The following DPP6 variants were observed in gnomAD, a reference collection of about 807,000 sequenced individuals.
DPP6 encodes A-type potassium channel modulatory protein DPP6.
A neutral mutation model predicts 122.6 loss-of-function variants in DPP6; 69 were observed. That is an observed-to-expected ratio of 0.56 (90% CI 0.46 to 0.69). DPP6 has a LOEUF of 0.69. Among genes scored for constraint, DPP6 ranks in the 30% least tolerant of loss-of-function variants. The pLI is 0.00. For synonymous variants in DPP6, 418 were observed against 433.1 expected (o/e 0.97, Z 0.43); for missense variants, 928 against 1,116.9 (o/e 0.83, Z 2.41).
At chr7:154,886,826 A>G (rs1171868214) in intron 22 of DPP6, among the ~76,000 whole-genome samples, 2 of 152,206 alleles carry the variant, frequency 1.3e-5, no homozygotes, top group Non-Finnish European at 2.9e-5. Flanking sequence ...TGGGCCCAGC[A>G]GCCTCCTGGC....
At chr7:154,036,013 C>CGCAT (rs932334962) in intron 1 of DPP6, among the ~76,000 whole-genome samples, 108 of 1,050 alleles carry the variant, frequency 0.1, no homozygotes, top group Admixed American at 0.34. Context: ...GGATTACGCG[C>CGCAT]GCGCGCTTGT....
chr7:153,920,851 G>T (rs575133645), intron 1 of DPP6, among the ~76,000 whole-genome samples: 2 of 151,938 alleles, frequency 1.3e-5, no homozygotes, highest in African/African-American at 4.8e-5. Context: ...GAGCCACCGC[G>T]CCTGGCCCTT....
chr7:154,027,787 AT>A (rs1799020231), intron 1 of DPP6, among the ~76,000 whole-genome samples: 1 of 151,676 alleles, frequency 6.6e-6, no homozygotes, highest in Admixed American at 6.6e-5. Flanking sequence ...TATCCAAATG[AT>A]AAATTCCTCT....
chr7:154,047,120 G>A (rs1800058731), intron 1 of DPP6, among the ~76,000 whole-genome samples: 1 of 151,552 alleles, frequency 6.6e-6, no homozygotes, highest in Non-Finnish European at 1.5e-5. Flanking sequence ...AATGTCCCCA[G>A]AAGACAGTGT....
At chr7:154,314,513 C>T (rs1386734422) in intron 1 of DPP6, among the ~76,000 whole-genome samples, 1 of 152,198 alleles carries the variant, frequency 6.6e-6, no homozygotes, top group African/African-American at 2.4e-5. Context: ...ACGTAAACCC[C>T]TTTTCCAAAG....
the DPP6 span, among the ~76,000 whole-genome samples, chr7:153,822,526 T>C: frequency 6.6e-6 from 1 of 152,186 alleles, no homozygotes; most frequent in Non-Finnish European, 1.5e-5. Flanking sequence ...AGTTAGAATA[T>C]AGAGCTTCTT....
Position 154,875,870 on chromosome 7 carries a change from G to A in DPP6, c.1884-36G>A, listed in dbSNP as rs545709117. 38 of 1,580,280 alleles carry A rather than the reference G, an allele frequency of 2.4e-5. No homozygotes were observed. Among genetic ancestry groups the A allele is most frequent in the Non-Finnish European group, 3.0e-5 (35 of 1,164,420 alleles). On this transcript the variant is annotated intron_variant, in intron 19 of 25. Transcript: ENST00000377770. This position sits in a 1 kb window ranked among gnomAD's most constrained non-coding sequence, Gnocchi z 4.5. ...TGCTAGACCAGCCGCCACCCACCAC[G>A]CAGCAGGCCTGCTGAGCCCGGGATT...
Position 154,804,135 on chromosome 7 carries a change from C to T in DPP6, c.1499+180C>T, listed in dbSNP as rs549927291. Among the ~76,000 whole-genome samples, 38 of 152,330 alleles carry T rather than the reference C, an allele frequency of 2.5e-4. 1 individual carries two copies. In the South Asian group the frequency reaches 7.0e-3, roughly 28 times the overall value. On this transcript the variant is annotated intron_variant, in intron 14 of 25. Transcript: ENST00000377770. ...ATAGTAGATTCCCGTCCCAACAGTC[C>T]GACTTCCAGAGCTGCGGCGTCCTGA...
At chr7:154,727,995 C>G in intron 8 of DPP6, 108 bp downstream of exon 8, 1 of 1,478,340 alleles carries the variant, frequency 6.8e-7, no homozygotes, top group Non-Finnish European at 9.0e-7. Flanking sequence ...AAATTAAACT[C>G]CAGTTTCTTG....
chr7:153,940,214 G>T (rs1356419899), intron 1 of DPP6, among the ~76,000 whole-genome samples: 1 of 152,162 alleles, frequency 6.6e-6, no homozygotes, highest in Non-Finnish European at 1.5e-5. Context: ...CGAAAAGCTG[G>T]TGCTGACCTA....
intron 12 of DPP6, among the ~76,000 whole-genome samples, chr7:154,800,128 C>A (rs537437663): frequency 3.9e-5 from 6 of 152,318 alleles, no homozygotes; most frequent in African/African-American, 1.4e-4. Context: ...TTTTAAAAGC[C>A]AAATTAACCG....
intron 7 of DPP6, among the ~76,000 whole-genome samples, chr7:154,714,798 G>C (rs1161761684): frequency 6.6e-6 from 1 of 152,174 alleles, no homozygotes; most frequent in Non-Finnish European, 1.5e-5. Context: ...ATGCTAAAAT[G>C]TTCATTTTTA....
chr7:154,379,219 A>G (rs10258306), intron 1 of DPP6, among the ~76,000 whole-genome samples: 109,375 of 152,058 alleles, frequency 0.72, 39,538 homozygotes, highest in East Asian at 0.87. Context: ...AGAGCTGCCT[A>G]GAGTTCTATT....
the DPP6 span, among the ~76,000 whole-genome samples, chr7:153,813,143 A>T: frequency 1.3e-5 from 2 of 151,830 alleles, no homozygotes; most frequent in African/African-American, 4.8e-5. Context: ...AGCATTAGGT[A>T]TATCTCCTAA....
At chr7:153,933,740 A>G (rs1442694382) in intron 1 of DPP6, among the ~76,000 whole-genome samples, 2 of 151,900 alleles carry the variant, frequency 1.3e-5, no homozygotes, top group Non-Finnish European at 2.9e-5. Flanking sequence ...CACACACCAC[A>G]GGTCGTCTCC....
chr7:153,830,703 T>A, the DPP6 span, among the ~76,000 whole-genome samples: 1 of 152,198 alleles, frequency 6.6e-6, no homozygotes, highest in Non-Finnish European at 1.5e-5. Flanking sequence ...TTACACATGG[T>A]CCATCATGAG....
In DPP6 at chr7:154,618,506, C is replaced by G. The variant is rs899997540; in HGVS notation, c.628-19315C>G. Among the ~76,000 whole-genome samples, 25 of 152,148 alleles carry G rather than the reference C, an allele frequency of 1.6e-4. No homozygotes were observed. Among genetic ancestry groups the G allele is most frequent in the Admixed American group, 8.5e-4 (13 of 15,270 alleles). ...ATCAAAATCAGGGTGCAGGTAGGAG[C>G]CTTAGACAATTTCTAGTTTGACTCT... On this transcript the variant is annotated intron_variant, in intron 5 of 25. Transcript: ENST00000377770. The surrounding 1 kb of genome is among the most constrained non-coding windows in gnomAD (Gnocchi z 4.1).
chr7:154,863,590 A>G lies in DPP6; in HGVS notation c.1715-4405A>G, dbSNP rs1413002103. Among the ~76,000 whole-genome samples, 1 of 152,108 alleles carries G rather than the reference A, an allele frequency of 6.6e-6. No individual in the cohort carries two copies. The highest frequency in any genetic ancestry group is 1.5e-5 in the Non-Finnish European group (1 of 68,024). On this transcript the variant is annotated intron_variant, in intron 17 of 25. Coordinates refer to ENST00000377770, the MANE Select transcript of DPP6 (RefSeq NM_130797.4). This position sits in a 1 kb window ranked among gnomAD's most constrained non-coding sequence, Gnocchi z 4.1. ...TGTGAGCCACTGCACCCAGCAAGGA[A>G]GATCTCTTGAGTCCAGGAGTTTGAG...
chr7:154,769,628 C>A, intron 9 of DPP6, 57 bp downstream of exon 9: 2 of 1,477,812 alleles, frequency 1.4e-6, no homozygotes, highest in Non-Finnish European at 1.8e-6. Flanking sequence ...ACACCCCAAC[C>A]CTGCTCACTC....
Sources: gnomAD v4.1 joint callset for allele counts (sites outside exome capture counted in the v4.1 genomes callset) on GRCh38, gnomAD v4.1.1 for gene constraint, Gnocchi (gnomAD v3.1) non-coding constraint, MANE v1.5 for transcripts, NCBI Gene and HGNC (gene_info 2026-07-23, HGNC 2026-07-21) for gene names.